Variants in CEP192 observed in about 807,000 individuals in gnomAD.
The protein encoded by CEP192 is centrosomal protein 192, also known as centrosomal protein of 192 kDa.
CEP192 carries 151 observed loss-of-function variants against 271.8 expected under a neutral mutation model. That is an observed-to-expected ratio of 0.56 (90% CI 0.49 to 0.64). The LOEUF (loss-of-function observed/expected upper bound fraction) is 0.64, where lower values mean the gene tolerates loss of function less well. Among genes scored for constraint, CEP192 ranks in the 30% least tolerant of loss-of-function variants. The pLI is 0.00. For missense variants in CEP192, 2,910 were observed against 3,020.5 expected (o/e 0.96, Z 0.86); for synonymous variants, 995 against 1,076.5 (o/e 0.92, Z 1.48).
intron 3 of CEP192, 25 bp from the exon 4 acceptor site, chr18:13,008,431 A>G (rs1330434978): frequency 2.1e-6 from 3 of 1,461,960 alleles, no homozygotes; most frequent in Non-Finnish European, 2.8e-6. Context: ...ACATTTTATC[A>G]TTCTTCTGTT....
chr18:13,061,968 A>G (rs758327547), intron 21 of CEP192, among the ~76,000 whole-genome samples: 2 of 152,204 alleles, frequency 1.3e-5, no homozygotes, highest in African/African-American at 4.8e-5. Flanking sequence ...GCCTACCTTT[A>G]AGCAGTTTAC....
chr18:13,095,617 G>T lies in CEP192; in HGVS notation c.6369G>T (p.Gln2123His). The change falls in exon 35 of 45, where the codon CAG becomes CAT. Residue 2123 changes from glutamine (Q) to histidine (H), a missense_variant. By Grantham distance (24) the Gln-to-His change is conservative. Transcript: ENST00000506447. ...GGGCGGCTCGCCCGCCTCTGGATCA[G>T]CTGGCCTCCGAAGAGCCGTGGACTG... ...LSRAARPPLD[Q>H]LASEEPWTVL... 1.2e-6 allele frequency: 2 copies of T among 1,614,220 alleles called. No homozygotes were observed. Among genetic ancestry groups the T allele is most frequent in the Non-Finnish European group, 1.7e-6 (2 of 1,180,036 alleles).
chr18:13,024,626 C>G (rs2035187551), intron 9 of CEP192, among the ~76,000 whole-genome samples: 1 of 152,020 alleles, frequency 6.6e-6, no homozygotes, highest in Non-Finnish European at 1.5e-5. Context: ...CCATGCCCAG[C>G]TAATTTTTGT....
At chr18:13,034,655 A>AAAG (rs2035817036) in intron 11 of CEP192, among the ~76,000 whole-genome samples, 1 of 151,626 alleles carries the variant, frequency 6.6e-6, no homozygotes, top group South Asian at 2.1e-4. Context: ...AAAAAAAAAA[A>AAAG]AATACAAAAA....
At chr18:13,025,148 G>GT (rs1018231141) in intron 9 of CEP192, among the ~76,000 whole-genome samples, 1 of 151,760 alleles carries the variant, frequency 6.6e-6, no homozygotes, top group East Asian at 1.9e-4. Context: ...TGTTGTTCTT[G>GT]TTTTTTTCCC....
chr18:13,098,660 A>G (rs1219812429), intron 36 of CEP192, among the ~76,000 whole-genome samples: 1 of 138,936 alleles, frequency 7.2e-6, no homozygotes, highest in African/African-American at 2.8e-5. Flanking sequence ...CCTAGATGGA[A>G]TGGCGGCCAG....
chr18:13,024,271 A>G (rs1435196283), intron 9 of CEP192: 13 of 454,944 alleles, frequency 2.9e-5, no homozygotes, highest in Admixed American at 2.1e-4. Context: ...AACTTTCCCT[A>G]CTTTGAAGTC....
chr18:13,029,618 G>T, intron 9 of CEP192, 45 bp from the exon 10 acceptor site: 2 of 1,162,650 alleles, frequency 1.7e-6, no homozygotes, highest in South Asian at 1.8e-5. Flanking sequence ...TAAAAAACAA[G>T]ACTTACTGTT....
intron 5 of CEP192, among the ~76,000 whole-genome samples, chr18:13,014,976 TG>T (rs1479611148): frequency 3.3e-5 from 5 of 152,212 alleles, no homozygotes; most frequent in Non-Finnish European, 7.4e-5. Flanking sequence ...ACAGGCTGCC[TG>T]GTCTAGCTTT....
chr18:13,040,301 A>G (rs1232250067), intron 13 of CEP192, among the ~76,000 whole-genome samples: 1 of 152,224 alleles, frequency 6.6e-6, no homozygotes, highest in Non-Finnish European at 1.5e-5. Context: ...CCAATAAAAA[A>G]TTGAGTGTAT....
At position 12,999,143 on chromosome 18, in the gene CEP192, T is replaced by A. The variant is rs142102049; in HGVS notation, c.-4-278T>A. 3.6e-3 allele frequency among the ~76,000 whole-genome samples: 541 copies of A among 152,318 alleles called. 5 individuals carry two copies. Among genetic ancestry groups the A allele is most frequent in the African/African-American group, 0.012 (517 of 41,578 alleles). On this transcript the variant is annotated intron_variant, in intron 1 of 44. Transcript: ENST00000506447. ...GTTTGTAGTAATTCATTTTCCTAGC[T>A]ACACCAAGCAAAGGGCAAATTAAAA...
At position 13,037,289 on chromosome 18, in the gene CEP192, T is replaced by C. The variant is rs959926871; in HGVS notation, c.1587T>C (p.His529=). ...ATGAAGAAGAATTTAATAAAGAGCA[T>C]CAATTTATACAGGTTTGTAATTATT... ...AQDEEEFNKE[H]QFIQEENIDA... Residue 529 remains histidine, a synonymous_variant, in exon 12 of 45, where the codon CAT becomes CAC. Transcript: ENST00000506447. 3 of 1,349,426 alleles carry C rather than the reference T, an allele frequency of 2.2e-6. No individual in the cohort carries two copies. The highest frequency in any genetic ancestry group is 5.0e-5 in the East Asian group (2 of 39,722). The allele number at this position is 1,349,426 out of a possible 1,614,324, so 83.6% of individuals were successfully genotyped here.
intron 1 of CEP192, among the ~76,000 whole-genome samples, chr18:12,995,100 C>A (rs951587019): frequency 3.5e-5 from 5 of 144,544 alleles, no homozygotes; most frequent in Non-Finnish European, 7.5e-5. Flanking sequence ...CTCGCTCTGT[C>A]GCCCAGGCTG....
chr18:13,053,239 T>G (rs1048753078), intron 18 of CEP192, 149 bp downstream of exon 18: 5 of 655,208 alleles, frequency 7.6e-6, no homozygotes, highest in African/African-American at 3.6e-5. Context: ...GTGCACATAT[T>G]AAATACCTAC....
intron 15 of CEP192, among the ~76,000 whole-genome samples, chr18:13,045,524 GT>G (rs1412343155): frequency 2.6e-5 from 4 of 152,134 alleles, no homozygotes; most frequent in Admixed American, 6.5e-5. Context: ...TGTCTGTTAT[GT>G]GACTTAATGT....
intron 4 of CEP192, among the ~76,000 whole-genome samples, chr18:13,008,909 T>C (rs2034154325): frequency 6.6e-6 from 1 of 152,092 alleles, no homozygotes. Flanking sequence ...GGTTTCGCCA[T>C]GTTGCCCAGG....
intron 17 of CEP192, among the ~76,000 whole-genome samples, chr18:13,052,085 G>A (rs745847081): frequency 4.0e-4 from 61 of 152,318 alleles, no homozygotes; most frequent in Non-Finnish European, 7.4e-4. Flanking sequence ...CCCTCAAGAG[G>A]TGCAGTCCGT....
Position 13,059,119 on chromosome 18 carries a change from A to G in CEP192, c.4295A>G (p.Asn1432Ser). 3 of 1,614,096 alleles carry G rather than the reference A, an allele frequency of 1.9e-6. No individual in the cohort carries two copies. The highest frequency in any genetic ancestry group is 2.5e-6 in the Non-Finnish European group (3 of 1,179,938). ...LSTYRCLVFK[N>S]KAIIRPHATE... is the part of the protein sequence containing the mutation. ...ACATATCGTTGTTTAGTTTTCAAGA[A>G]TAAAGCCATCATAAGACCTCATGCC... Residue 1432 changes from asparagine (N) to serine (S), a missense_variant, in exon 21 of 45, where the codon AAT becomes AGT. Transcript: ENST00000506447.
chr18:13,076,542 C>G (rs1239696377), intron 30 of CEP192, among the ~76,000 whole-genome samples: 1 of 152,160 alleles, frequency 6.6e-6, no homozygotes. Context: ...AACCTTGTTA[C>G]TCTGTAGTAA....
Sources: allele counts gnomAD v4.1 joint callset (sites outside exome capture counted in the v4.1 genomes callset), GRCh38; gene constraint gnomAD v4.1.1; transcripts MANE v1.5; gene names NCBI Gene and HGNC (gene_info 2026-07-23, HGNC 2026-07-21).